RNASET2: variants seen among roughly 807,000 people sequenced by gnomAD.
The protein encoded by RNASET2 is ribonuclease T2, also known as ribonuclease 6.
Under a neutral mutation model 33.9 loss-of-function variants are expected in RNASET2, and 28 were observed. The observed-to-expected ratio is 0.83, with a 90% CI of 0.61 to 1.13. RNASET2 has a LOEUF of 1.13. Among genes scored for constraint, RNASET2 ranks in the 50% most tolerant of loss-of-function variants. The pLI is 0.00. For synonymous variants in RNASET2, 123 were observed against 121.0 expected (o/e 1.02, Z -0.11); for missense variants, 330 against 319.9 (o/e 1.03, Z -0.24).
intron 6 of RNASET2, among the ~76,000 whole-genome samples, chr6:166,936,324 T>C (rs1778564920): frequency 6.7e-6 from 1 of 149,510 alleles, no homozygotes; most frequent in African/African-American, 2.5e-5. Flanking sequence ...CCACAGGAAC[T>C]CCAGGACTTA....
At chr6:166,934,844 A>G (rs1778528879) in intron 6 of RNASET2, 1 of 152,386 alleles carries the variant, frequency 6.6e-6, no homozygotes, top group South Asian at 2.1e-4. Flanking sequence ...CCGTATGGTA[A>G]GTCCCTACAG....
intron 2 of RNASET2, 93 bp downstream of exon 2, chr6:166,952,395 A>T: frequency 9.1e-7 from 1 of 1,098,854 alleles, no homozygotes; most frequent in Non-Finnish European, 1.4e-6. Context: ...CTCCCGCACC[A>T]GCAGCGTGGG....
chr6:166,951,401 G>GGTAT (rs1438811543), intron 2 of RNASET2, among the ~76,000 whole-genome samples: 1 of 152,232 alleles, frequency 6.6e-6, no homozygotes, highest in Non-Finnish European at 1.5e-5. Flanking sequence ...ATCCACAAGA[G>GGTAT]GTATGGTGAA....
chr6:166,953,408 A>C (rs1159220847), intron 1 of RNASET2: 1 of 152,278 alleles, frequency 6.6e-6, no homozygotes, highest in Non-Finnish European at 1.5e-5. Context: ...ACAGGATATA[A>C]GTCAAGCAGA....
chr6:166,955,513 C>T (rs753626962), intron 1 of RNASET2: 1 of 986,390 alleles, frequency 1.0e-6, no homozygotes. Context: ...GCAGTGAAAG[C>T]TGAAATTAAG....
chr6:166,939,849 T>C (rs1438488348), intron 5 of RNASET2, among the ~76,000 whole-genome samples: 1 of 152,246 alleles, frequency 6.6e-6, no homozygotes, highest in African/African-American at 2.4e-5. Flanking sequence ...CAATTTGTAT[T>C]CCAGAAAAAT....
chr6:166,954,233 C>T (rs9459812), intron 1 of RNASET2, among the ~76,000 whole-genome samples: 2 of 152,024 alleles, frequency 1.3e-5, no homozygotes, highest in African/African-American at 2.4e-5. Context: ...GGAAAATGCC[C>T]GCTGACCTAT....
intron 1 of RNASET2, chr6:166,955,749 C>G: frequency 8.4e-7 from 1 of 1,195,368 alleles, no homozygotes; most frequent in South Asian, 1.8e-5. Context: ...CACTTCTTCC[C>G]AGGAGTCACC....
rs6940854 is a variant in RNASET2, at chr6:166,923,807, G to C, written c.*5781C>G. Among the ~76,000 whole-genome samples the C allele has an allele frequency of 0.25, 37,531 of 152,084 alleles. 6,421 individuals are homozygous for C. The highest frequency in any genetic ancestry group is 0.49 in the African/African-American group (20,327 of 41,438). On this transcript the variant is annotated 3_prime_UTR_variant, in exon 9 of 9. Coordinates refer to ENST00000508775, the MANE Select transcript of RNASET2 (RefSeq NM_003730.6). Reference sequence around the variant, plus strand: ...AAATACTGACTTCATATCTGTGATTGTATCCTGGTAATTTCATTTCAGGAG... The same window carrying C: ...AAATACTGACTTCATATCTGTGATTCTATCCTGGTAATTTCATTTCAGGAG...
chr6:166,925,138 CCTCATCTACGCCAT>C lies in RNASET2; in HGVS notation c.*4436_*4449del, dbSNP rs1324916770. Among the ~76,000 whole-genome samples, 4 of 152,000 alleles carry C rather than the reference CCTCATCTACGCCAT, an allele frequency of 2.6e-5. No homozygotes were observed. Among genetic ancestry groups the C allele is most frequent in the African/African-American group, 9.7e-5 (4 of 41,412 alleles). On this transcript the variant is annotated 3_prime_UTR_variant, in exon 9 of 9. Coordinates refer to ENST00000508775, the MANE Select transcript of RNASET2 (RefSeq NM_003730.6). The stretch of plus-strand genomic sequence containing the variant: ...ACAGCCCTCACCTCTGCTGCCCAGG[CCTCATCTACGCCAT>C]CCAGCCCTCACTCCTGCCGCCCAGC...
intron 8 of RNASET2, among the ~76,000 whole-genome samples, 198 bp downstream of exon 8, chr6:166,930,844 TAC>T (rs561384815): frequency 1.7e-4 from 24 of 142,814 alleles, no homozygotes; most frequent in East Asian, 1.3e-3. Flanking sequence ...CACATGCATG[TAC>T]ACACACATGC....
Position 166,924,880 on chromosome 6 carries a change from C to T in RNASET2, c.*4708G>A, listed in dbSNP as rs886507307. ...AAAGATCCCTGCTTATGGCCATGTC[C>T]CAGTGCCTAGAAGAGAGGCGGCTCA... On this transcript the variant is annotated 3_prime_UTR_variant, in exon 9 of 9. Transcript: ENST00000508775. 6.6e-6 allele frequency among the ~76,000 whole-genome samples: 1 copy of T among 152,186 alleles called. No individual in the cohort carries two copies. The highest frequency in any genetic ancestry group is 2.4e-5 in the African/African-American group (1 of 41,440).
chr6:166,955,078 AAAT>A (rs1779074099), intron 1 of RNASET2, among the ~76,000 whole-genome samples: 1 of 152,224 alleles, frequency 6.6e-6, no homozygotes, highest in African/African-American at 2.4e-5. Context: ...AAATAGAAAG[AAAT>A]AATATGGTAT....
In RNASET2 at chr6:166,923,795, A is replaced by G. The variant is rs1778267594; in HGVS notation, c.*5793T>C. On this transcript the variant is annotated 3_prime_UTR_variant, in exon 9 of 9. Transcript: ENST00000508775. Reference sequence around the variant, plus strand: ...CTATAGACGCCCAAATACTGACTTCATATCTGTGATTGTATCCTGGTAATT... The same window carrying G: ...CTATAGACGCCCAAATACTGACTTCGTATCTGTGATTGTATCCTGGTAATT... Among the ~76,000 whole-genome samples the G allele has an allele frequency of 6.6e-6, 1 of 152,210 alleles. No individual in the cohort carries two copies. Among genetic ancestry groups the G allele is most frequent in the Non-Finnish European group, 1.5e-5 (1 of 68,030 alleles).
At chr6:166,939,089 T>TG in intron 5 of RNASET2, 81 bp from the exon 6 acceptor site, 7 of 997,882 alleles carry the variant, frequency 7.0e-6, no homozygotes, top group Non-Finnish European at 1.1e-5. Context: ...ATCCCAACAC[T>TG]TTGGGAGGCT....
Position 166,943,027 on chromosome 6 carries a change from G to C in RNASET2, c.324C>G (p.Ser108Arg). 1.2e-6 allele frequency: 2 copies of C among 1,613,454 alleles called. No homozygotes were observed. Among genetic ancestry groups the C allele is most frequent in the Non-Finnish European group, 1.7e-6 (2 of 1,179,588 alleles). The change falls in exon 5 of 9, where the codon AGC (serine) becomes AGG (arginine). Residue 108 changes from serine (S) to arginine (R), a missense_variant. By Grantham distance (110) the Ser-to-Arg change is moderately radical (BLOSUM62 -1). Transcript: ENST00000508775. The stretch of plus-strand genomic sequence containing the variant: ...CAGAGGCTGGGACTTACCAGAAGCG[G>C]CTGCGATTGGGAAACGAGTGAATTA... ...PDVIHSFPNR[S>R]RFWKHEWEKH...
At chr6:166,930,991 A>T in intron 8 of RNASET2, 53 bp downstream of exon 8, 1 of 1,265,288 alleles carries the variant, frequency 7.9e-7, no homozygotes. Context: ...CCATCAGAAA[A>T]GTAGAACCTG....
At chr6:166,955,808 C>A in intron 1 of RNASET2, 6 of 973,762 alleles carry the variant, frequency 6.2e-6, no homozygotes, top group Non-Finnish European at 6.1e-6. Context: ...CCAGAGGTCA[C>A]CCCGGGGCGT....
rs1778348167 is a variant in RNASET2 at position 166,928,864 on chromosome 6, C to T, written c.*724G>A. Among the ~76,000 whole-genome samples, 1 of 152,226 alleles carries T rather than the reference C, an allele frequency of 6.6e-6. No homozygotes were observed. Among genetic ancestry groups the T allele is most frequent in the Non-Finnish European group, 1.5e-5 (1 of 68,036 alleles). Reference sequence around the variant, plus strand: ...CACATTTCGCTGGGGGCTCCATGTACATTTCTAAATAGATACCAGTGCAGG... The same window carrying T: ...CACATTTCGCTGGGGGCTCCATGTATATTTCTAAATAGATACCAGTGCAGG... On this transcript the variant is annotated 3_prime_UTR_variant, in exon 9 of 9. Transcript: ENST00000508775.
Sources: gnomAD v4.1 joint callset for allele counts (sites outside exome capture counted in the v4.1 genomes callset) on GRCh38, gnomAD v4.1.1 for gene constraint, MANE v1.5 for transcripts, NCBI Gene and HGNC (gene_info 2026-07-23, HGNC 2026-07-21) for gene names.